The following NRG3 variants were observed in gnomAD, a reference collection of about 807,000 sequenced individuals.
NRG3 encodes neuregulin 3.
Under a neutral mutation model 66.9 loss-of-function variants are expected in NRG3, and 31 were observed. That is an observed-to-expected ratio of 0.46 (90% CI 0.35 to 0.63). The LOEUF (loss-of-function observed/expected upper bound fraction) is 0.63, where lower values mean the gene tolerates loss of function less well. NRG3 is among the 20% of genes least tolerant of loss of function. The pLI, the probability that NRG3 is intolerant of heterozygous loss-of-function variation, is 0.00. For missense variants in NRG3, 910 were observed against 878.9 expected, an observed-to-expected ratio of 1.04 and a Z score of -0.45; for synonymous variants, 393 against 359.4, an observed-to-expected ratio of 1.09 and a Z score of -1.06.
At chr10:82,366,540 C>G (rs2084535897) in intron 2 of NRG3, among the ~76,000 whole-genome samples, 1 of 152,136 alleles carries the variant, frequency 6.6e-6, no homozygotes, top group African/African-American at 2.4e-5. Context: ...CTTAACGACT[C>G]TTCATGGGTT....
At chr10:82,738,898 G>A (rs55670857) in intron 3 of NRG3, among the ~76,000 whole-genome samples, 12,933 of 152,160 alleles carry the variant, frequency 0.085, 716 homozygotes, top group African/African-American at 0.14. Context: ...CCAACAACCC[G>A]GGCCTCCTTA....
chr10:82,165,870 G>A (rs1419003759), intron 1 of NRG3, among the ~76,000 whole-genome samples: 2 of 151,904 alleles, frequency 1.3e-5, no homozygotes, highest in African/African-American at 4.8e-5. Flanking sequence ...AAATAGCTGA[G>A]TAAAGCTAAG....
intron 1 of NRG3, among the ~76,000 whole-genome samples, chr10:81,911,603 G>GTTTTT (rs796518872): frequency 9.0e-5 from 7 of 77,960 alleles, no homozygotes; most frequent in Non-Finnish European, 1.3e-4. Context: ...GCACAGACTT[G>GTTTTT]TTTTTTTTTT....
chr10:82,113,206 C>T lies in NRG3; in HGVS notation c.823+237043C>T, dbSNP rs533551170. On this transcript the variant is annotated intron_variant, in intron 1 of 8. Coordinates refer to ENST00000372141, the MANE Select transcript of NRG3 (RefSeq NM_001010848.4). Reference sequence around the variant, plus strand: ...CTTTTCATGTGTTATCTCATTTAATCCCCACAACAACCCTATGGAGATGGG... The same window carrying T: ...CTTTTCATGTGTTATCTCATTTAATTCCCACAACAACCCTATGGAGATGGG... Among the ~76,000 whole-genome samples the T allele has an allele frequency of 2.6e-5, 4 of 152,192 alleles. No individual in the cohort carries two copies. The South Asian group carries it at 8.3e-4, about 32-fold the overall frequency.
rs569538365 is a variant in NRG3 at position 82,818,390 on chromosome 10, G to A, written c.1028-47021G>A. On this transcript the variant is annotated intron_variant, in intron 3 of 8. Coordinates refer to ENST00000372141, the MANE Select transcript of NRG3 (RefSeq NM_001010848.4). ...TGGAAGAGGGCAACTAACTTCTCAG[G>A]AGGGATCAGACCATTGCAGGACAGG... 5.3e-5 allele frequency among the ~76,000 whole-genome samples: 8 copies of A among 152,252 alleles called. No individual in the cohort carries two copies. In the South Asian group the frequency reaches 1.4e-3, roughly 28 times the overall value.
intron 2 of NRG3, among the ~76,000 whole-genome samples, chr10:82,594,300 G>A (rs556978849): frequency 2.0e-5 from 3 of 152,230 alleles, no homozygotes; most frequent in African/African-American, 7.2e-5. Context: ...ATTCATGGTA[G>A]CCCCTGTCTA....
chr10:82,369,777 G>T (rs2084766977), intron 2 of NRG3, among the ~76,000 whole-genome samples: 1 of 138,854 alleles, frequency 7.2e-6, no homozygotes, highest in Admixed American at 6.8e-5. Flanking sequence ...TTTTCTTAAT[G>T]TAACTTTCAC....
intron 5 of NRG3, among the ~76,000 whole-genome samples, chr10:82,957,569 A>G (rs1850175698): frequency 6.6e-6 from 1 of 151,946 alleles, no homozygotes; most frequent in Non-Finnish European, 1.5e-5. Flanking sequence ...ATGCCTGATT[A>G]CAAGAACTAT....
rs188517412 is a variant in NRG3, at chr10:81,996,300, C to T, written c.823+120137C>T. ...TGCATGTCTGAAGTCTATAGTGTAT[C>T]CCTTAGACTCTTGCCATTTAGCTGA... On this transcript the variant is annotated intron_variant, in intron 1 of 8. Coordinates refer to ENST00000372141, the MANE Select transcript of NRG3 (RefSeq NM_001010848.4). Among the ~76,000 whole-genome samples, 407 of 152,156 alleles carry T rather than the reference C, an allele frequency of 2.7e-3. 1 individual carries two copies. Among genetic ancestry groups the T allele is most frequent in the Non-Finnish European group, 4.6e-3 (316 of 68,004 alleles).
chr10:82,403,505 A>T (rs541353263), intron 2 of NRG3, among the ~76,000 whole-genome samples: 3 of 152,220 alleles, frequency 2.0e-5, no homozygotes, highest in Non-Finnish European at 4.4e-5. Context: ...TGAAAAGGGC[A>T]TACATATTTC....
intron 2 of NRG3, among the ~76,000 whole-genome samples, chr10:82,538,441 C>CTTACT (rs1406708051): frequency 6.6e-6 from 1 of 152,148 alleles, no homozygotes; most frequent in East Asian, 1.9e-4. Context: ...GTAATTAAGA[C>CTTACT]CAGAGTTCTG....
At chr10:82,984,933 G>A (rs1564696107) in intron 8 of NRG3, 165 bp from the exon 9 acceptor site, 5 of 1,250,084 alleles carry the variant, frequency 4.0e-6, no homozygotes, top group Non-Finnish European at 4.7e-6. Flanking sequence ...ACCTATCTGA[G>A]CTTCAGTTTA....
intron 2 of NRG3, among the ~76,000 whole-genome samples, chr10:82,684,405 G>A (rs1222516102): frequency 1.3e-5 from 2 of 151,980 alleles, no homozygotes; most frequent in Non-Finnish European, 1.5e-5. Flanking sequence ...AGGCAAATAC[G>A]TATAATGCTA....
At chr10:82,972,407 A>G (rs1347175830) in intron 6 of NRG3, among the ~76,000 whole-genome samples, 1 of 152,118 alleles carries the variant, frequency 6.6e-6, no homozygotes, top group African/African-American at 2.4e-5. Flanking sequence ...TTTGGACTTT[A>G]CTTTCAAGCA....
chr10:82,531,650 GATA>G (rs1277615059), intron 2 of NRG3, among the ~76,000 whole-genome samples: 15 of 151,790 alleles, frequency 9.9e-5, no homozygotes, highest in Admixed American at 4.6e-4. Flanking sequence ...ACTCATCTGT[GATA>G]ATAATGACAG....
intron 2 of NRG3, among the ~76,000 whole-genome samples, chr10:82,373,835 G>T: frequency 6.6e-6 from 1 of 151,940 alleles, no homozygotes; most frequent in Admixed American, 6.6e-5. Context: ...TTTCTGCCTG[G>T]GTTAGCATAT....
intron 4 of NRG3, among the ~76,000 whole-genome samples, chr10:82,948,329 A>G (rs952427318): frequency 5.3e-5 from 8 of 152,094 alleles, no homozygotes; most frequent in Non-Finnish European, 1.0e-4. Context: ...GCTTTATAAG[A>G]AATCTTGAAA....
In NRG3 at chr10:82,208,348, G is replaced by C. The variant is rs115920738; in HGVS notation, c.824-150391G>C. Among the ~76,000 whole-genome samples, 1,313 of 152,112 alleles carry C rather than the reference G, an allele frequency of 8.6e-3. 24 individuals carry two copies. The highest frequency in any genetic ancestry group is 0.03 in the African/African-American group (1,261 of 41,502). On this transcript the variant is annotated intron_variant, in intron 1 of 8. Coordinates refer to ENST00000372141, the MANE Select transcript of NRG3 (RefSeq NM_001010848.4). ...TACCGTAATCAAATGTTTTATATTA[G>C]GTATTTTGGAAAACTACTGGAATGA...
At chr10:81,912,624 G>A (rs551188923) in intron 1 of NRG3, among the ~76,000 whole-genome samples, 1 of 152,304 alleles carries the variant, frequency 6.6e-6, no homozygotes, top group Admixed American at 6.5e-5. Flanking sequence ...GAATATCCCA[G>A]AATAAGTGAC....
Sources: allele counts gnomAD v4.1 joint callset (sites outside exome capture counted in the v4.1 genomes callset), GRCh38; gene constraint gnomAD v4.1.1; transcripts MANE v1.5; gene names NCBI Gene and HGNC (gene_info 2026-07-23, HGNC 2026-07-21).